Variants in PREX2 observed in about 807,000 individuals in gnomAD.
PREX2 encodes phosphatidylinositol 3,4,5-trisphosphate-dependent Rac exchanger 2 protein.
In PREX2, 107 loss-of-function variants were observed where a neutral mutation model predicts 203.2. The observed-to-expected ratio is 0.53, with a 90% CI of 0.45 to 0.62. The LOEUF (loss-of-function observed/expected upper bound fraction) is 0.62, where lower values mean the gene tolerates loss of function less well. Among genes scored for constraint, PREX2 ranks in the 20% least tolerant of loss-of-function variants. The probability of loss-of-function intolerance (pLI) is 0.00; values close to 1 mark genes in which losing one functional copy is unlikely to be tolerated. For missense variants in PREX2, 1,777 were observed against 1,955.9 expected (o/e 0.91, Z 1.72); for synonymous variants, 672 against 663.6 (o/e 1.01, Z -0.19).
intron 33 of PREX2, among the ~76,000 whole-genome samples, chr8:68,139,569 C>T (rs1811184748): frequency 6.6e-6 from 1 of 152,196 alleles, no homozygotes; most frequent in Admixed American, 6.5e-5. Context: ...CTGTCTCTGA[C>T]TGCTGTGTTA....
At chr8:68,181,045 T>C (rs1475275715) in intron 35 of PREX2, among the ~76,000 whole-genome samples, 3 of 152,196 alleles carry the variant, frequency 2.0e-5, no homozygotes, top group African/African-American at 7.2e-5. Flanking sequence ...TTTCATTTTG[T>C]CTTTAAATTA....
intron 33 of PREX2, among the ~76,000 whole-genome samples, chr8:68,140,439 T>C (rs1563562840): frequency 6.6e-6 from 1 of 152,222 alleles, no homozygotes; most frequent in Non-Finnish European, 1.5e-5. Flanking sequence ...TATTCAGAGG[T>C]CATCACATCT....
chr8:68,083,123 T>G (rs199978936), intron 17 of PREX2, 117 bp from the exon 18 acceptor site: 57 of 619,802 alleles, frequency 9.2e-5, no homozygotes, highest in East Asian at 5.5e-5. Flanking sequence ...ACACGGCAGG[T>G]GTGTTAAAAT....
At chr8:67,991,451 A>G (rs1585684273) in intron 1 of PREX2, among the ~76,000 whole-genome samples, 2 of 152,186 alleles carry the variant, frequency 1.3e-5, no homozygotes, top group South Asian at 4.1e-4. Flanking sequence ...ATAGCTAGGG[A>G]GGCCTCAGGA....
chr8:67,961,897 G>A (rs1370110880), intron 1 of PREX2, among the ~76,000 whole-genome samples: 1 of 152,074 alleles, frequency 6.6e-6, no homozygotes, highest in Non-Finnish European at 1.5e-5. Context: ...AATGTGAAAT[G>A]CATATTTTCC....
intron 23 of PREX2, chr8:68,105,674 A>C: frequency 3.4e-6 from 1 of 290,928 alleles, no homozygotes; most frequent in African/African-American, 1.8e-4. Context: ...GACCATATAT[A>C]TATGGATTAT....
intron 19 of PREX2, among the ~76,000 whole-genome samples, chr8:68,088,819 C>T (rs1001779518): frequency 1.3e-5 from 2 of 152,152 alleles, no homozygotes; most frequent in African/African-American, 4.8e-5. Context: ...GAATAATTCA[C>T]ATTAATAGTG....
At chr8:68,204,678 CTTTTTTTTT>C (rs1192583427) in intron 37 of PREX2, among the ~76,000 whole-genome samples, 5 of 83,426 alleles carry the variant, frequency 6.0e-5, no homozygotes, top group African/African-American at 2.5e-4. Flanking sequence ...TTTCTTCTTT[CTTTTTTTTT>C]TTTTTTTTTT....
chr8:68,059,554 T>G (rs1808782239), intron 10 of PREX2, among the ~76,000 whole-genome samples: 1 of 152,210 alleles, frequency 6.6e-6, no homozygotes, highest in Non-Finnish European at 1.5e-5. Flanking sequence ...TAGTAGAACT[T>G]TTCTATGTCT....
chr8:67,991,223 C>T (rs747196469), intron 1 of PREX2, among the ~76,000 whole-genome samples: 81 of 152,262 alleles, frequency 5.3e-4, no homozygotes, highest in Non-Finnish European at 7.1e-4. Flanking sequence ...CACCCAAGCT[C>T]ATACAACTCT....
In PREX2 at chr8:68,087,800, G is replaced by C; in HGVS notation, c.2104G>C (p.Val702Leu). The change falls in exon 19 of 40, where the codon GTA (valine) becomes CTA (leucine). Residue 702 changes from valine (V) to leucine (L), a missense_variant. By Grantham distance (32) the Val-to-Leu change is conservative (BLOSUM62 1). Coordinates refer to ENST00000288368, the MANE Select transcript of PREX2 (RefSeq NM_024870.4). ...ATTTGGCCCTTCTGTTGTGCATGCT[G>C]TAGGAAGAGGTAGGAAATTCGTCTT... ...RGFGPSVVHA[V>L]GRGTVAAAAG... The C allele has an allele frequency of 6.2e-7, 1 of 1,610,464 alleles. No homozygotes were observed. Among genetic ancestry groups the C allele is most frequent in the Non-Finnish European group, 8.5e-7 (1 of 1,176,730 alleles).
At chr8:68,027,863 A>C (rs987132279) in intron 5 of PREX2, among the ~76,000 whole-genome samples, 2 of 152,142 alleles carry the variant, frequency 1.3e-5, no homozygotes, top group African/African-American at 4.8e-5. Context: ...AAAACATCCT[A>C]CTAATGGTTG....
At chr8:68,037,325 T>C (rs1808062973) in intron 6 of PREX2, among the ~76,000 whole-genome samples, 1 of 152,186 alleles carries the variant, frequency 6.6e-6, no homozygotes, top group Non-Finnish European at 1.5e-5. Flanking sequence ...CTTTTTTTGG[T>C]CCAACTCAGT....
intron 10 of PREX2, among the ~76,000 whole-genome samples, chr8:68,056,429 G>A (rs529692876): frequency 6.6e-6 from 1 of 152,284 alleles, no homozygotes; most frequent in African/African-American, 2.4e-5. Flanking sequence ...TAGGTAAAGA[G>A]TCTGAAAATG....
At position 68,080,841 on chromosome 8, in the gene PREX2, A is replaced by G. The variant is rs577507390; in HGVS notation, c.1878+3A>G. 1 of 1,384,028 alleles carries G rather than the reference A, an allele frequency of 7.2e-7. No individual in the cohort carries two copies. The highest frequency in any genetic ancestry group is 2.3e-5 in the East Asian group (1 of 43,784). The allele number at this position is 1,384,028 out of a possible 1,614,324, so 85.7% of individuals were successfully genotyped here. On this transcript the variant is annotated splice_donor_region_variant and intron_variant, in intron 17 of 39. Transcript: ENST00000288368. ...TAGAAAAGGGATCTAATGCTGAGGTAATGTAAATTAGCGTTTTAATTTAAA... is the reference window on the plus strand; with the variant it reads ...TAGAAAAGGGATCTAATGCTGAGGTGATGTAAATTAGCGTTTTAATTTAAA...
chr8:67,992,424 C>T (rs1334802951), intron 1 of PREX2, among the ~76,000 whole-genome samples: 1 of 152,074 alleles, frequency 6.6e-6, no homozygotes, highest in Non-Finnish European at 1.5e-5. Flanking sequence ...TTAGTATTTA[C>T]TCATTCAACA....
At chr8:68,228,629 G>A (rs1233495173) in intron 39 of PREX2, among the ~76,000 whole-genome samples, 1 of 152,036 alleles carries the variant, frequency 6.6e-6, no homozygotes, top group Admixed American at 6.5e-5. Flanking sequence ...AGCTGGGCAT[G>A]GTGGCATGCT....
chr8:68,162,290 A>G (rs971287201), intron 35 of PREX2, among the ~76,000 whole-genome samples: 1 of 152,064 alleles, frequency 6.6e-6, no homozygotes, highest in Non-Finnish European at 1.5e-5. Flanking sequence ...TTCCTTAGAA[A>G]GAGGTTTTCT....
intron 9 of PREX2, among the ~76,000 whole-genome samples, chr8:68,055,071 T>A (rs1324390093): frequency 6.6e-6 from 1 of 152,260 alleles, no homozygotes; most frequent in East Asian, 1.9e-4. Flanking sequence ...AGTGTCACTC[T>A]TTTAAAATCT....
Sources: gnomAD v4.1 joint callset for allele counts (sites outside exome capture counted in the v4.1 genomes callset) on GRCh38, gnomAD v4.1.1 for gene constraint, MANE v1.5 for transcripts, NCBI Gene and HGNC (gene_info 2026-07-23, HGNC 2026-07-21) for gene names.